Variants in SUMF2 observed in about 807,000 individuals in gnomAD.
The protein encoded by SUMF2 is sulfatase modifying factor 2, also known as inactive C-alpha-formylglycine-generating enzyme 2.
SUMF2 carries 45 observed loss-of-function variants against 44.8 expected under a neutral mutation model. That is an observed-to-expected ratio of 1.00 (90% CI 0.79 to 1.29). The LOEUF is 1.29. Ranked by LOEUF, SUMF2 falls within the 50% of genes most tolerant of loss-of-function variation. SUMF2 has a pLI of 0.00. For synonymous variants in SUMF2, 148 were observed against 150.4 expected, an observed-to-expected ratio of 0.98 and a Z score of 0.12; for missense variants, 418 against 389.9, an observed-to-expected ratio of 1.07 and a Z score of -0.61.
chr7:56,064,949 T>C (rs1794661042), intron 1 of SUMF2, among the ~76,000 whole-genome samples: 1 of 144,424 alleles, frequency 6.9e-6, no homozygotes. Flanking sequence ...TCCCAGCACT[T>C]TGGGAGGCCG....
chr7:56,074,866 G>C, intron 5 of SUMF2, 130 bp downstream of exon 5: 3 of 1,206,788 alleles, frequency 2.5e-6, no homozygotes, highest in East Asian at 2.5e-5. Context: ...GGGAGGCTGG[G>C]GCAGGAGGAT....
chr7:56,064,882 CAAAAAAAAAA>C (rs71015175), intron 1 of SUMF2, among the ~76,000 whole-genome samples: 3 of 14,310 alleles, frequency 2.1e-4, no homozygotes, highest in Admixed American at 1.2e-3. Context: ...TACTTTATCT[CAAAAAAAAAA>C]AAAAAAAAAA....
Position 56,079,931 on chromosome 7 carries a change from G to T in SUMF2, c.*319G>T. On this transcript the variant is annotated 3_prime_UTR_variant, in exon 9 of 9. Coordinates refer to ENST00000434526, the MANE Select transcript of SUMF2 (RefSeq NM_015411.4). ...AGCACTCTGAAAGGCCATTTTTTAA[G>T]CATTTTAAAATCTATTCTCTCCCCC... The T allele has an allele frequency of 7.2e-7, 1 of 1,391,050 alleles. No homozygotes were observed. Among genetic ancestry groups the T allele is most frequent in the Non-Finnish European group, 9.6e-7 (1 of 1,039,722 alleles). 86.2% of individuals were successfully genotyped at this position (1,391,050 alleles called of 1,614,324 possible).
intron 4 of SUMF2, 59 bp downstream of exon 4, chr7:56,074,277 C>A: frequency 6.6e-7 from 1 of 1,515,964 alleles, no homozygotes; most frequent in Non-Finnish European, 9.2e-7. Context: ...TTCTCCAGGC[C>A]CAGCCTCCTC....
chr7:56,065,041 A>T (rs1287158486), intron 1 of SUMF2, among the ~76,000 whole-genome samples: 1 of 151,292 alleles, frequency 6.6e-6, no homozygotes, highest in African/African-American at 2.4e-5. Flanking sequence ...AAATTCAAAA[A>T]ATTAGCCGGG....
intron 8 of SUMF2, chr7:56,079,105 C>CCTG: frequency 2.0e-6 from 1 of 492,994 alleles, no homozygotes; most frequent in Non-Finnish European, 3.6e-6. Flanking sequence ...TACTCCTGGA[C>CCTG]TCAAGCAATC....
chr7:56,086,574 C>T, the SUMF2 span, among the ~76,000 whole-genome samples: 2 of 152,124 alleles, frequency 1.3e-5, no homozygotes, highest in East Asian at 1.9e-4. Context: ...CTTCAACCTC[C>T]GCCTCCTGGG....
At chr7:56,073,199 G>A (rs1281413552) in intron 3 of SUMF2, 88 bp downstream of exon 3, 2 of 1,017,952 alleles carry the variant, frequency 2.0e-6, no homozygotes, top group Non-Finnish European at 3.1e-6. Context: ...GGGACACAGT[G>A]GAGAATCAGA....
downstream of SUMF2, chr7:56,081,393 A>G: frequency 6.8e-7 from 1 of 1,466,438 alleles, no homozygotes; most frequent in Non-Finnish European, 9.1e-7. The surrounding 1 kb of genome is among the most constrained non-coding windows in gnomAD (Gnocchi z 4.6). Flanking sequence ...TTTGCCACGA[A>G]GCCTTGGGTG....
intron 5 of SUMF2, among the ~76,000 whole-genome samples, chr7:56,074,980 C>T (rs1399522955): frequency 2.0e-5 from 3 of 152,100 alleles, no homozygotes; most frequent in Non-Finnish European, 2.9e-5. Context: ...TGCCTGTAGT[C>T]CCAGCTACTC....
chr7:56,066,817 G>A (rs145943799), intron 1 of SUMF2, among the ~76,000 whole-genome samples: 4,774 of 152,138 alleles, frequency 0.031, 261 homozygotes, highest in African/African-American at 0.11. Flanking sequence ...ATGGGGTTTC[G>A]CCATGTTGGC....
At chr7:56,075,446 A>C (rs1342354228) in intron 5 of SUMF2, among the ~76,000 whole-genome samples, 1 of 151,882 alleles carries the variant, frequency 6.6e-6, no homozygotes, top group African/African-American at 2.4e-5. Flanking sequence ...CCTGTAATCA[A>C]AGCACTTTGG....
chr7:56,068,779 T>C, intron 2 of SUMF2, 141 bp downstream of exon 2: 2 of 928,534 alleles, frequency 2.2e-6, no homozygotes, highest in East Asian at 3.0e-5. Flanking sequence ...TCTCGCTCAC[T>C]GCAACCTCCA....
intron 2 of SUMF2, among the ~76,000 whole-genome samples, chr7:56,070,741 A>G (rs924747503): frequency 2.1e-4 from 32 of 152,180 alleles, no homozygotes; most frequent in African/African-American, 7.2e-4. Flanking sequence ...CAAAAACAGG[A>G]GATAACTCAC....
At chr7:56,083,592 T>A, downstream of SUMF2, 1 of 1,508,892 alleles carries the variant, frequency 6.6e-7, no homozygotes. Flanking sequence ...GAGACCCCAG[T>A]GCCTGTGGCC....
chr7:56,079,341 C>T, intron 8 of SUMF2, 187 bp from the exon 9 acceptor site: 2 of 622,614 alleles, frequency 3.2e-6, no homozygotes, highest in Non-Finnish European at 5.6e-6. Context: ...CTTCTTGTCC[C>T]CTTTCTCCCA....
rs1795709289 is a variant in SUMF2, at chr7:56,078,300, C to G, written c.677-64C>G. The G allele has an allele frequency of 1.5e-5, 23 of 1,560,580 alleles. 1 individual carries two copies. The South Asian group carries it at 2.7e-4, about 18-fold the overall frequency. ...CCTTCTGCCATTTGGCCCCCAGGAC[C>G]TCAGAGGGTAGGCGGGGTGGTCGGC... On this transcript the variant is annotated intron_variant, in intron 7 of 8. Coordinates refer to ENST00000434526, the MANE Select transcript of SUMF2 (RefSeq NM_015411.4).
At chr7:56,071,816 TTAAA>T (rs1795174378) in intron 2 of SUMF2, among the ~76,000 whole-genome samples, 1 of 118,094 alleles carries the variant, frequency 8.5e-6, no homozygotes, top group East Asian at 3.8e-4. Flanking sequence ...AAATAAATAA[TTAAA>T]TAAAAAATAA....
chr7:56,075,052 C>T (rs544482213), intron 5 of SUMF2, among the ~76,000 whole-genome samples: 16 of 152,122 alleles, frequency 1.1e-4, no homozygotes, highest in African/African-American at 3.6e-4. Context: ...GAGCTATGAT[C>T]GCACCACTGC....
Sources: allele counts gnomAD v4.1 joint callset (sites outside exome capture counted in the v4.1 genomes callset), GRCh38; gene constraint gnomAD v4.1.1; non-coding constraint Gnocchi (gnomAD v3.1); transcripts MANE v1.5; gene names NCBI Gene and HGNC (gene_info 2026-07-23, HGNC 2026-07-21).